SLC25A21: variants seen among roughly 807,000 people sequenced by gnomAD.
The protein encoded by SLC25A21 is mitochondrial 2-oxodicarboxylate carrier.
Under a neutral mutation model 43.8 loss-of-function variants are expected in SLC25A21, and 47 were observed. The observed-to-expected ratio is 1.07, with a 90% CI of 0.85 to 1.37. SLC25A21 has a LOEUF of 1.37. Ranked by LOEUF, SLC25A21 falls within the 40% of genes most tolerant of loss-of-function variation. The pLI is 0.00. For synonymous variants in SLC25A21, 131 were observed against 121.3 expected (o/e 1.08, Z -0.52); for missense variants, 352 against 350.2 (o/e 1.00, Z -0.04).
intron 9 of SLC25A21, among the ~76,000 whole-genome samples, chr14:36,683,201 T>C (rs1330041613): frequency 6.6e-6 from 1 of 152,242 alleles, no homozygotes; most frequent in African/African-American, 2.4e-5. Flanking sequence ...TTCTTATCTA[T>C]TTACATAGAG....
intron 1 of SLC25A21, among the ~76,000 whole-genome samples, chr14:37,058,285 C>T (rs565899099): frequency 1.3e-5 from 2 of 152,176 alleles, no homozygotes; most frequent in Non-Finnish European, 2.9e-5. Context: ...TTTATAGTAT[C>T]TCTTCTACCA....
chr14:37,046,135 A>C (rs1252927511), intron 1 of SLC25A21, among the ~76,000 whole-genome samples: 2 of 152,226 alleles, frequency 1.3e-5, no homozygotes, highest in East Asian at 3.9e-4. Context: ...AAAGCTGGGC[A>C]GGGGAACAGC....
intron 7 of SLC25A21, among the ~76,000 whole-genome samples, chr14:36,696,116 A>G (rs1330335082): frequency 2.0e-5 from 3 of 152,196 alleles, no homozygotes; most frequent in African/African-American, 7.2e-5. Flanking sequence ...GTTTAGCATG[A>G]AGGGCTGTTG....
intron 1 of SLC25A21, among the ~76,000 whole-genome samples, chr14:37,054,788 A>T (rs1718548650): frequency 6.6e-6 from 1 of 152,246 alleles, no homozygotes; most frequent in Non-Finnish European, 1.5e-5. Context: ...CTAGGTTTAA[A>T]TAAAACAATT....
chr14:36,880,906 T>G (rs1051060088), intron 1 of SLC25A21, among the ~76,000 whole-genome samples: 8 of 152,180 alleles, frequency 5.3e-5, no homozygotes, highest in South Asian at 4.1e-4. Flanking sequence ...AGTAACGTGC[T>G]AGGTGCTGGA....
intron 1 of SLC25A21, among the ~76,000 whole-genome samples, chr14:36,878,563 C>T (rs1057254469): frequency 1.3e-5 from 2 of 152,108 alleles, no homozygotes; most frequent in African/African-American, 4.8e-5. Context: ...TCAGATTAAT[C>T]GTGTTACATA....
intron 5 of SLC25A21, 137 bp from the exon 6 acceptor site, chr14:36,725,814 C>A (rs1251189711): frequency 5.5e-6 from 2 of 365,338 alleles, no homozygotes; most frequent in Non-Finnish European, 9.4e-6. Context: ...TATTCCATTA[C>A]TAAACAGCTT....
intron 3 of SLC25A21, among the ~76,000 whole-genome samples, chr14:36,738,706 T>C (rs903166003): frequency 1.3e-5 from 2 of 152,194 alleles, no homozygotes; most frequent in African/African-American, 2.4e-5. Flanking sequence ...ATGAACTACA[T>C]GGCAGCCTTT....
At chr14:37,133,568 A>G (rs960933609) in intron 1 of SLC25A21, among the ~76,000 whole-genome samples, 4 of 151,798 alleles carry the variant, frequency 2.6e-5, no homozygotes, top group Non-Finnish European at 5.9e-5. Context: ...TGTATCACCA[A>G]TTTATCTCCC....
chr14:37,057,932 A>C (rs934952578), intron 1 of SLC25A21, among the ~76,000 whole-genome samples: 6 of 152,186 alleles, frequency 3.9e-5, no homozygotes, highest in African/African-American at 1.4e-4. Flanking sequence ...CACAGTACCC[A>C]GAATGGTTTG....
At chr14:36,685,914 T>C (rs1485693383) in intron 7 of SLC25A21, among the ~76,000 whole-genome samples, 2 of 152,132 alleles carry the variant, frequency 1.3e-5, no homozygotes, top group Non-Finnish European at 2.9e-5. Flanking sequence ...TCATATCACA[T>C]ACTATAAGCT....
At chr14:37,134,080 C>G (rs1963437049) in intron 1 of SLC25A21, among the ~76,000 whole-genome samples, 1 of 152,042 alleles carries the variant, frequency 6.6e-6, no homozygotes, top group African/African-American at 2.4e-5. Flanking sequence ...ATCATCTAAT[C>G]AAAAAGCTAT....
At chr14:36,848,957 T>C (rs978213815) in intron 2 of SLC25A21, among the ~76,000 whole-genome samples, 2 of 152,196 alleles carry the variant, frequency 1.3e-5, no homozygotes, top group African/African-American at 2.4e-5. Context: ...CTCGCCCTAT[T>C]AGTGCAGGCC....
chr14:36,898,256 G>T (rs540048133), intron 1 of SLC25A21, among the ~76,000 whole-genome samples: 4 of 152,042 alleles, frequency 2.6e-5, no homozygotes, highest in African/African-American at 9.7e-5. Flanking sequence ...CCCCAGCCTC[G>T]CTGCCACCTT....
chr14:36,938,868 A>G (rs1892489776), intron 1 of SLC25A21, among the ~76,000 whole-genome samples: 1 of 152,124 alleles, frequency 6.6e-6, no homozygotes, highest in Non-Finnish European at 1.5e-5. Context: ...AACTTCAGAA[A>G]TCTATATTTC....
At chr14:37,030,805 T>C (rs900471026) in intron 1 of SLC25A21, among the ~76,000 whole-genome samples, 1 of 152,136 alleles carries the variant, frequency 6.6e-6, no homozygotes, top group Non-Finnish European at 1.5e-5. Flanking sequence ...GCTGATCAGG[T>C]TGAATATAGG....
chr14:36,754,486 G>T (rs918418144), intron 3 of SLC25A21, among the ~76,000 whole-genome samples: 1 of 152,160 alleles, frequency 6.6e-6, no homozygotes, highest in African/African-American at 2.4e-5. Context: ...GATGAGAGTT[G>T]CTTAACACAC....
intron 3 of SLC25A21, among the ~76,000 whole-genome samples, chr14:36,736,326 G>A (rs1437773785): frequency 6.6e-6 from 1 of 152,148 alleles, no homozygotes; most frequent in East Asian, 1.9e-4. Flanking sequence ...CAATTCATGA[G>A]TTGTCCCCAC....
intron 3 of SLC25A21, among the ~76,000 whole-genome samples, chr14:36,737,051 A>G (rs1885071754): frequency 6.6e-6 from 1 of 152,204 alleles, no homozygotes; most frequent in Admixed American, 6.5e-5. Context: ...AATGGGAGAT[A>G]CACAGCAAAT....
Sources: gnomAD v4.1 joint callset for allele counts (sites outside exome capture counted in the v4.1 genomes callset) on GRCh38, gnomAD v4.1.1 for gene constraint, MANE v1.5 for transcripts, NCBI Gene and HGNC (gene_info 2026-07-23, HGNC 2026-07-21) for gene names.